RASEF: variants seen among roughly 807,000 people sequenced by gnomAD.
RASEF encodes the protein RAS and EF-hand domain containing.
Under a neutral mutation model 90.1 loss-of-function variants are expected in RASEF, and 68 were observed. The observed-to-expected ratio is 0.75, with a 90% CI of 0.62 to 0.92. The LOEUF (loss-of-function observed/expected upper bound fraction) is 0.92, where lower values mean the gene tolerates loss of function less well. Among genes scored for constraint, RASEF ranks in the 40% least tolerant of loss-of-function variants. The pLI, the probability that RASEF is intolerant of heterozygous loss-of-function variation, is 0.00. For missense variants in RASEF, 949 were observed against 937.2 expected (o/e 1.01, Z -0.16); for synonymous variants, 331 against 345.2 (o/e 0.96, Z 0.46).
chr9:83,164,514 T>C, the RASEF span, among the ~76,000 whole-genome samples: 15 of 150,126 alleles, frequency 1.0e-4, no homozygotes, highest in Non-Finnish European at 2.1e-4. Context: ...GTTGTAAATG[T>C]ATATTGCAAT....
chr9:83,074,883 A>C, the RASEF span, among the ~76,000 whole-genome samples: 1 of 152,362 alleles, frequency 6.6e-6, no homozygotes, highest in South Asian at 2.1e-4. Flanking sequence ...GGCACCTCTA[A>C]AATTTTTTAA....
the RASEF span, among the ~76,000 whole-genome samples, chr9:83,171,096 T>C: frequency 2.0e-4 from 30 of 151,960 alleles, no homozygotes; most frequent in African/African-American, 5.5e-4. Flanking sequence ...AATATGTTCC[T>C]TCCATACCTA....
At chr9:82,992,865 C>T (rs770606072) in intron 15 of RASEF, 41 bp downstream of exon 15, 5 of 1,604,122 alleles carry the variant, frequency 3.1e-6, no homozygotes, top group Admixed American at 1.7e-5. Context: ...AGCCATTAAA[C>T]CCCATGTTCT....
chr9:83,105,713 C>T, the RASEF span, among the ~76,000 whole-genome samples: 8 of 152,196 alleles, frequency 5.3e-5, no homozygotes, highest in South Asian at 2.1e-4. Context: ...GTAAACGCTA[C>T]GAAAATGTGT....
the RASEF span, among the ~76,000 whole-genome samples, chr9:83,157,024 T>C: frequency 2.9e-3 from 438 of 152,324 alleles, no homozygotes; most frequent in African/African-American, 1.0e-2. Flanking sequence ...TAGTTTATTT[T>C]TTAAAGTCCT....
At chr9:82,992,847 G>T in intron 15 of RASEF, 59 bp downstream of exon 15, 2 of 1,564,228 alleles carry the variant, frequency 1.3e-6, no homozygotes, top group South Asian at 1.2e-5. Flanking sequence ...AAAGGCCACC[G>T]ACTTCAAAGC....
At position 82,979,848 on chromosome 9, in the gene RASEF, C is replaced by CAA; in HGVS notation, c.*2827_*2828dup. 6.6e-6 allele frequency: 1 copy of CAA among 152,112 alleles called. No homozygotes were observed. Among genetic ancestry groups the CAA allele is most frequent in the East Asian group, 1.9e-4 (1 of 5,196 alleles). The allele number at this position is 152,112 out of a possible 1,614,324, so 9.4% of individuals were successfully genotyped here. ...CTTACACACACACAATAAATGCCCA[C>CAA]AAAAACCATCACTGAAGCCGATCAC... On this transcript the variant is annotated 3_prime_UTR_variant, in exon 17 of 17. Coordinates refer to ENST00000376447, the MANE Select transcript of RASEF (RefSeq NM_152573.4).
intron 16 of RASEF, among the ~76,000 whole-genome samples, chr9:82,989,168 A>T (rs971865098): frequency 6.6e-6 from 1 of 152,122 alleles, no homozygotes; most frequent in Non-Finnish European, 1.5e-5. Context: ...ACTCTAATTT[A>T]TTAAGCACTA....
At chr9:83,127,570 T>C in the RASEF span, among the ~76,000 whole-genome samples, 1 of 152,192 alleles carries the variant, frequency 6.6e-6, no homozygotes, top group Non-Finnish European at 1.5e-5. Context: ...GAAAGTGTCA[T>C]GTAGGCGCTG....
At chr9:83,093,393 G>A in the RASEF span, among the ~76,000 whole-genome samples, 2 of 152,208 alleles carry the variant, frequency 1.3e-5, no homozygotes, top group Admixed American at 6.5e-5. Flanking sequence ...GCCCATGGAG[G>A]GGGTGGGAGG....
intron 7 of RASEF, among the ~76,000 whole-genome samples, chr9:83,005,812 CTCCCTAAA>C: frequency 6.6e-6 from 1 of 152,194 alleles, no homozygotes; most frequent in Non-Finnish European, 1.5e-5. Flanking sequence ...TCTTTCAAAG[CTCCCTAAA>C]TGCCTGAACC....
At chr9:83,195,132 T>C in the RASEF span, among the ~76,000 whole-genome samples, 4 of 152,198 alleles carry the variant, frequency 2.6e-5, no homozygotes, top group Non-Finnish European at 4.4e-5. Context: ...TGAATTGAGA[T>C]CGTCATATGT....
intron 14 of RASEF, among the ~76,000 whole-genome samples, chr9:82,996,642 G>GA (rs1248738804): frequency 6.6e-6 from 1 of 152,118 alleles, no homozygotes; most frequent in African/African-American, 2.4e-5. Flanking sequence ...CATGCCCGTG[G>GA]ATGCCCCCAC....
chr9:83,169,083 T>G, the RASEF span, among the ~76,000 whole-genome samples: 1 of 151,926 alleles, frequency 6.6e-6, no homozygotes, highest in Admixed American at 6.6e-5. Flanking sequence ...GAGTGAGAGA[T>G]CATTTTTTTA....
chr9:83,107,594 A>C, the RASEF span, among the ~76,000 whole-genome samples: 3 of 152,200 alleles, frequency 2.0e-5, no homozygotes, highest in Non-Finnish European at 1.5e-5. Context: ...CATGAAGATC[A>C]CTAATTATTG....
chr9:83,212,951 T>C, the RASEF span, among the ~76,000 whole-genome samples: 4 of 152,082 alleles, frequency 2.6e-5, no homozygotes, highest in Non-Finnish European at 4.4e-5. Flanking sequence ...ACAAGGAGAA[T>C]GATACATCAG....
At chr9:83,159,371 C>A in the RASEF span, among the ~76,000 whole-genome samples, 2 of 152,046 alleles carry the variant, frequency 1.3e-5, no homozygotes, top group Non-Finnish European at 1.5e-5. Context: ...GTTTGTTCAG[C>A]ATCATTTGAA....
the RASEF span, among the ~76,000 whole-genome samples, chr9:83,169,506 G>A: frequency 6.6e-6 from 1 of 151,976 alleles, no homozygotes; most frequent in Non-Finnish European, 1.5e-5. Context: ...CAACGGTGTA[G>A]TGTATGAGCA....
At chr9:83,212,549 T>A in the RASEF span, among the ~76,000 whole-genome samples, 2 of 152,260 alleles carry the variant, frequency 1.3e-5, no homozygotes, top group Non-Finnish European at 2.9e-5. Flanking sequence ...AAACAGATAG[T>A]TGCTTAATAA....
Sources: allele counts gnomAD v4.1 joint callset (sites outside exome capture counted in the v4.1 genomes callset), GRCh38; gene constraint gnomAD v4.1.1; transcripts MANE v1.5; gene names NCBI Gene and HGNC (gene_info 2026-07-23, HGNC 2026-07-21).